ARHGEF28: variants seen among roughly 807,000 people sequenced by gnomAD.
The protein encoded by ARHGEF28 is Rho guanine nucleotide exchange factor 28.
ARHGEF28 carries 152 observed loss-of-function variants against 206.6 expected under a neutral mutation model. The observed-to-expected ratio is 0.74, with a 90% CI of 0.64 to 0.84. The LOEUF (loss-of-function observed/expected upper bound fraction) is 0.84, where lower values mean the gene tolerates loss of function less well. ARHGEF28 is among the 40% of genes least tolerant of loss of function. The probability of loss-of-function intolerance (pLI) is 0.00; values close to 1 mark genes in which losing one functional copy is unlikely to be tolerated. For missense variants in ARHGEF28, 2,028 were observed against 2,073.2 expected (o/e 0.98, Z 0.42); for synonymous variants, 763 against 776.4 (o/e 0.98, Z 0.29).
At chr5:73,767,457 GTC>G (rs1752958437) in intron 4 of ARHGEF28, among the ~76,000 whole-genome samples, 1 of 152,156 alleles carries the variant, frequency 6.6e-6, no homozygotes, top group Non-Finnish European at 1.5e-5. Context: ...GGCTGAGGTA[GTC>G]TCTGATGGAA....
intron 1 of ARHGEF28, among the ~76,000 whole-genome samples, chr5:73,629,354 G>A (rs1743215564): frequency 6.6e-6 from 1 of 151,882 alleles, no homozygotes. Context: ...ACAAAAACTA[G>A]CCAGGCATGG....
At chr5:73,785,144 C>G (rs1754086913) in intron 7 of ARHGEF28, among the ~76,000 whole-genome samples, 1 of 152,154 alleles carries the variant, frequency 6.6e-6, no homozygotes, top group African/African-American at 2.4e-5. Context: ...GGCAGGTAAT[C>G]AAAACCATAG....
At chr5:73,704,058 A>C (rs1359661025) in intron 2 of ARHGEF28, among the ~76,000 whole-genome samples, 2 of 151,836 alleles carry the variant, frequency 1.3e-5, no homozygotes, top group African/African-American at 4.8e-5. Context: ...AAAGTCACTT[A>C]ATGTGGATGG....
At chr5:73,883,704 C>T in intron 23 of ARHGEF28, 63 bp from the exon 24 acceptor site, 3 of 1,042,304 alleles carry the variant, frequency 2.9e-6, no homozygotes, top group Non-Finnish European at 4.1e-6. Flanking sequence ...TGTATTGTTA[C>T]ATTCACACCT....
intron 2 of ARHGEF28, among the ~76,000 whole-genome samples, chr5:73,726,941 GTGTT>G (rs772496427): frequency 3.5e-4 from 53 of 152,202 alleles, no homozygotes; most frequent in Non-Finnish European, 1.0e-4. Flanking sequence ...AAGGAGGTCA[GTGTT>G]TGTACTCAGA....
intron 10 of ARHGEF28, among the ~76,000 whole-genome samples, chr5:73,838,417 A>G (rs944499835): frequency 1.3e-5 from 2 of 152,226 alleles, no homozygotes; most frequent in Non-Finnish European, 2.9e-5. Flanking sequence ...AAACATTACT[A>G]GCTTATATTA....
chr5:73,795,251 T>G, intron 8 of ARHGEF28, 80 bp from the exon 9 acceptor site: 3 of 1,325,910 alleles, frequency 2.3e-6, no homozygotes, highest in Non-Finnish European at 3.2e-6. Flanking sequence ...TCCAAGGTTG[T>G]TTTTCTAGTT....
chr5:73,657,017 T>TA (rs1176270629), intron 1 of ARHGEF28, among the ~76,000 whole-genome samples: 1 of 151,452 alleles, frequency 6.6e-6, no homozygotes, highest in East Asian at 1.9e-4. Context: ...AAAAAATATA[T>TA]AAAAAATTAG....
At chr5:73,727,444 C>A (rs765323593) in intron 2 of ARHGEF28, among the ~76,000 whole-genome samples, 5 of 152,162 alleles carry the variant, frequency 3.3e-5, no homozygotes, top group African/African-American at 4.8e-5. Flanking sequence ...GCAATTCCCT[C>A]TAATGACAGG....
At position 73,646,705 on chromosome 5, in the gene ARHGEF28, C is replaced by T. The variant is rs140527196; in HGVS notation, c.-12+20383C>T. 7.2e-5 allele frequency among the ~76,000 whole-genome samples: 11 copies of T among 152,304 alleles called. No homozygotes were observed. The East Asian group carries it at 1.9e-3, about 27-fold the overall frequency. On this transcript the variant is annotated intron_variant, in intron 1 of 35. Coordinates refer to ENST00000513042, the MANE Select transcript of ARHGEF28 (RefSeq NM_001177693.2). Reference sequence around the variant, plus strand: ...TAAGATCTCCTTAAAAGTATTTGCTCTTTAGGAATCTTTCTTTTCTACTCT... The same window carrying T: ...TAAGATCTCCTTAAAAGTATTTGCTTTTTAGGAATCTTTCTTTTCTACTCT...
intron 1 of ARHGEF28, among the ~76,000 whole-genome samples, chr5:73,682,710 C>A (rs539289722): frequency 1.9e-4 from 29 of 152,324 alleles, no homozygotes; most frequent in Non-Finnish European, 4.0e-4. Flanking sequence ...CCATGCCCAG[C>A]CCCACAATTC....
intron 30 of ARHGEF28, chr5:73,900,834 C>T (rs1762223160): frequency 5.5e-6 from 1 of 183,368 alleles, no homozygotes; most frequent in Non-Finnish European, 1.1e-5. Context: ...TTTTAAATTT[C>T]ACCCTTCCCA....
chr5:73,866,088 C>G, intron 18 of ARHGEF28, 75 bp downstream of exon 18: 1 of 1,189,572 alleles, frequency 8.4e-7, no homozygotes, highest in Non-Finnish European at 1.2e-6. Context: ...ATAAAAATAT[C>G]TCCTTTTGTT....
chr5:73,687,347 AATG>A (rs1290077860), intron 2 of ARHGEF28, among the ~76,000 whole-genome samples: 1 of 151,336 alleles, frequency 6.6e-6, no homozygotes, highest in Non-Finnish European at 1.5e-5. Flanking sequence ...TATTATAAAT[AATG>A]ATATCTTAGA....
chr5:73,725,303 A>T (rs982342560), intron 2 of ARHGEF28, among the ~76,000 whole-genome samples: 3 of 152,222 alleles, frequency 2.0e-5, no homozygotes, highest in African/African-American at 7.2e-5. Context: ...TTGTTTGAAC[A>T]CACCTTCTCA....
chr5:73,626,505 G>T (rs970338730), intron 1 of ARHGEF28, among the ~76,000 whole-genome samples, 183 bp downstream of exon 1: 4 of 151,926 alleles, frequency 2.6e-5, no homozygotes, highest in African/African-American at 9.7e-5. Context: ...GCCGCCTCCC[G>T]CTCCCTCGGG....
intron 2 of ARHGEF28, among the ~76,000 whole-genome samples, chr5:73,693,329 A>G (rs1747965374): frequency 6.6e-6 from 1 of 152,134 alleles, no homozygotes; most frequent in Non-Finnish European, 1.5e-5. Context: ...GGGCTCCTTC[A>G]TGGACCTTAA....
intron 1 of ARHGEF28, among the ~76,000 whole-genome samples, chr5:73,642,169 T>C (rs1185928854): frequency 1.3e-5 from 2 of 152,204 alleles, no homozygotes; most frequent in Non-Finnish European, 2.9e-5. Context: ...ACTCAACTGA[T>C]CTGAAATTTT....
chr5:73,917,735 G>A (rs897279568), intron 35 of ARHGEF28, among the ~76,000 whole-genome samples: 6 of 152,214 alleles, frequency 3.9e-5, no homozygotes, highest in African/African-American at 1.4e-4. Context: ...GAGTCCACAT[G>A]GTGTGAATGC....
Sources: gnomAD v4.1 joint callset for allele counts (sites outside exome capture counted in the v4.1 genomes callset) on GRCh38, gnomAD v4.1.1 for gene constraint, MANE v1.5 for transcripts, NCBI Gene and HGNC (gene_info 2026-07-23, HGNC 2026-07-21) for gene names.